MIA2: variants seen among roughly 807,000 people sequenced by gnomAD.
MIA2 encodes melanoma inhibitory activity protein 2.
A neutral mutation model predicts 167.8 loss-of-function variants in MIA2; 127 were observed. The ratio of observed to expected loss-of-function variants is 0.76; its 90% CI spans 0.66 to 0.88. MIA2 has a LOEUF of 0.88. MIA2 is among the 40% of genes least tolerant of loss of function. MIA2 has a pLI of 0.00. For missense variants in MIA2, 1,690 were observed against 1,624.7 expected (o/e 1.04, Z -0.69); for synonymous variants, 552 against 541.9 (o/e 1.02, Z -0.26).
At chr14:39,380,959 C>G (rs575828535) in intron 23 of MIA2, among the ~76,000 whole-genome samples, 1 of 151,054 alleles carries the variant, frequency 6.6e-6, no homozygotes, top group East Asian at 2.0e-4. Context: ...AGTCTCTAAA[C>G]TATGTCCTTT....
intron 25 of MIA2, among the ~76,000 whole-genome samples, chr14:39,337,279 G>C (rs1463805061): frequency 6.6e-6 from 1 of 152,176 alleles, no homozygotes; most frequent in Non-Finnish European, 1.5e-5. Flanking sequence ...CAGCTACAAA[G>C]TATGGGAAAC....
rs946389135 is a variant in MIA2, at chr14:39,300,706, T to C, written c.2619+720T>C. On this transcript the variant is annotated intron_variant, in intron 14 of 28. Transcript: ENST00000640607. ...GGGGGAGGGATAGCATTAGGAGATA[T>C]ACCTAATGTAAATGACGAGTTAATG... 2.7e-5 allele frequency among the ~76,000 whole-genome samples: 4 copies of C among 146,518 alleles called. 1 individual carries two copies. Among genetic ancestry groups the C allele is most frequent in the South Asian group, 4.7e-4 (2 of 4,256 alleles).
In MIA2 at chr14:39,237,230, C is replaced by G. The variant is rs762288560; in HGVS notation, c.249+175C>G. The G allele has an allele frequency of 1.3e-5, 9 of 711,162 alleles. No homozygotes were observed. In the South Asian group the frequency reaches 1.4e-4, roughly 11 times the overall value. The allele number at this position is 711,162 out of a possible 1,614,324, so 44.1% of individuals were successfully genotyped here. ...CCAGCTTCCAACTCCTGAGCTCAAG[C>G]CATCCTCCCACCTCAGCCTCCTGAG... is the stretch of plus-strand genomic sequence containing the variant. On this transcript the variant is annotated intron_variant, in intron 2 of 28. Transcript: ENST00000640607.
chr14:39,304,944 A>G (rs1353261783), intron 17 of MIA2, among the ~76,000 whole-genome samples: 1 of 152,218 alleles, frequency 6.6e-6, no homozygotes, highest in Non-Finnish European at 1.5e-5. Flanking sequence ...AGTTGAGATA[A>G]ATAGCATCTC....
At chr14:39,243,535 A>G (rs987619580) in intron 3 of MIA2, among the ~76,000 whole-genome samples, 2 of 152,180 alleles carry the variant, frequency 1.3e-5, no homozygotes, top group Admixed American at 6.5e-5. Context: ...ATACAAATTT[A>G]TTTGATCACA....
intron 24 of MIA2, among the ~76,000 whole-genome samples, chr14:39,325,620 A>C (rs551737163): frequency 6.6e-6 from 1 of 150,636 alleles, no homozygotes; most frequent in Admixed American, 6.6e-5. Context: ...GCCCGCCTTG[A>C]CCTCCCAAAG....
intron 2 of MIA2, among the ~76,000 whole-genome samples, chr14:39,238,811 A>AAAAAAAACAAAAAAAAAAAC: frequency 9.7e-6 from 1 of 103,608 alleles, no homozygotes; most frequent in Admixed American, 1.0e-4. Context: ...AAAAAAAAAA[A>AAAAAAAACAAAAAAAAAAAC]CCCAAAAAAC....
At chr14:39,337,363 A>T (rs1274921719) in intron 25 of MIA2, among the ~76,000 whole-genome samples, 2 of 152,230 alleles carry the variant, frequency 1.3e-5, no homozygotes, top group Non-Finnish European at 2.9e-5. Context: ...CTCTCTCGGC[A>T]ATTGATGGAA....
chr14:39,386,645 G>A (rs1435302363), intron 23 of MIA2: 18 of 1,042,766 alleles, frequency 1.7e-5, no homozygotes, highest in Non-Finnish European at 2.6e-5. Flanking sequence ...TCTGATCTGT[G>A]ACAGCTTTTG....
intron 24 of MIA2, among the ~76,000 whole-genome samples, chr14:39,325,323 A>G (rs2067269627): frequency 1.3e-5 from 2 of 151,984 alleles, no homozygotes; most frequent in East Asian, 1.9e-4. Flanking sequence ...TTCCCTCTCA[A>G]TGACAGATAA....
intron 6 of MIA2, among the ~76,000 whole-genome samples, chr14:39,259,052 G>T (rs765044226): frequency 6.6e-6 from 1 of 152,236 alleles, no homozygotes; most frequent in African/African-American, 2.4e-5. Context: ...CAGGAGGCGC[G>T]GGGGTCAGGA....
chr14:39,387,122 A>G (rs577737215), exon 24 of MIA2: 19 of 567,932 alleles, frequency 3.3e-5, no homozygotes, highest in African/African-American at 2.7e-4. Flanking sequence ...TGCTCAACGG[A>G]AGCCGACTTT....
At chr14:39,269,127 G>T in intron 6 of MIA2, 1 of 859,468 alleles carries the variant, frequency 1.2e-6, no homozygotes, top group African/African-American at 1.9e-5. Flanking sequence ...TGGCCTGGGG[G>T]CTAGGATGGC....
chr14:39,256,052 C>T (rs1283035901), intron 6 of MIA2, among the ~76,000 whole-genome samples: 2 of 152,092 alleles, frequency 1.3e-5, no homozygotes, highest in Non-Finnish European at 2.9e-5. Context: ...AAAAGGTGAG[C>T]TCATATTAAA....
At chr14:39,272,721 C>T (rs552784216) in intron 6 of MIA2, among the ~76,000 whole-genome samples, 2 of 152,326 alleles carry the variant, frequency 1.3e-5, no homozygotes, top group South Asian at 4.1e-4. Flanking sequence ...CAAGATCGCA[C>T]CACTGCACTC....
intron 4 of MIA2, among the ~76,000 whole-genome samples, chr14:39,248,536 TA>T (rs929682497): frequency 9.9e-5 from 15 of 152,134 alleles, no homozygotes; most frequent in African/African-American, 3.6e-4. Context: ...TTTTTGTTTT[TA>T]AAGCAGTATC....
At chr14:39,280,240 T>C (rs2152756107) in intron 9 of MIA2, among the ~76,000 whole-genome samples, 1 of 152,334 alleles carries the variant, frequency 6.6e-6, no homozygotes, top group Non-Finnish European at 1.5e-5. Flanking sequence ...TAACATGCTT[T>C]TTATAGCCTG....
intron 6 of MIA2, among the ~76,000 whole-genome samples, chr14:39,274,679 G>A (rs2057680992): frequency 6.6e-6 from 1 of 151,338 alleles, no homozygotes; most frequent in African/African-American, 2.4e-5. Context: ...GCCCACCTTG[G>A]CCTCCCAAAG....
intron 25 of MIA2, among the ~76,000 whole-genome samples, chr14:39,345,135 G>A (rs2072944049): frequency 1.3e-5 from 2 of 152,164 alleles, no homozygotes; most frequent in African/African-American, 4.8e-5. Flanking sequence ...TTGGAGTGCA[G>A]TGGCATGATC....
Sources: gnomAD v4.1 joint callset for allele counts (sites outside exome capture counted in the v4.1 genomes callset) on GRCh38, gnomAD v4.1.1 for gene constraint, MANE v1.5 for transcripts, NCBI Gene and HGNC (gene_info 2026-07-23, HGNC 2026-07-21) for gene names.